NCSTN: variants seen among roughly 807,000 people sequenced by gnomAD.
NCSTN encodes nicastrin.
Under a neutral mutation model 87.0 loss-of-function variants are expected in NCSTN, and 22 were observed. That is an observed-to-expected ratio of 0.25 (90% CI 0.18 to 0.36). NCSTN has a LOEUF of 0.36. NCSTN is among the 10% of genes least tolerant of loss of function. NCSTN has a pLI of 1.00. For missense variants in NCSTN, 693 were observed against 883.3 expected (o/e 0.78, Z 2.73); for synonymous variants, 306 against 327.1 (o/e 0.94, Z 0.69).
chr1:160,349,649 C>G lies in NCSTN; in HGVS notation c.415C>G (p.Gln139Glu). ...SPASGFSPSV[Q>E]CPNDGFGVYS... ...TGCCTCAGGCTTCTCTCCTAGTGTA[C>G]AGTGCCCAAATGATGGGTTTGGTAA... The change falls in exon 4 of 17, where the codon CAG becomes GAG. Residue 139 changes from glutamine (Q) to glutamate (E), a missense_variant. Physicochemically the swap from Gln to Glu is conservative, Grantham distance 29. This residue lies in a region of NCSTN where 235 missense variants were observed against 233.9 expected (regional missense o/e 1.00). Transcript: ENST00000294785. 1 of 1,614,070 alleles carries G rather than the reference C, an allele frequency of 6.2e-7. No homozygotes were observed.
At chr1:160,353,655 C>G in intron 10 of NCSTN, 2 of 985,368 alleles carry the variant, frequency 2.0e-6, no homozygotes, top group Non-Finnish European at 2.4e-6. Flanking sequence ...CTAGGTCCAC[C>G]TTTAGGCCTG....
Position 160,358,323 on chromosome 1 carries a change from T to A in NCSTN, c.*52T>A. On this transcript the variant is annotated 3_prime_UTR_variant, in exon 17 of 17. Transcript: ENST00000294785. Reference sequence around the variant, plus strand: ...TCAGCAGTTCACTTCCTAGAGCATCTGTCCCACTGGGACACAACCACTAAT... The same window carrying A: ...TCAGCAGTTCACTTCCTAGAGCATCAGTCCCACTGGGACACAACCACTAAT... 6.2e-7 allele frequency: 1 copy of A among 1,612,358 alleles called. No individual in the cohort carries two copies. Among genetic ancestry groups the A allele is most frequent in the Non-Finnish European group, 8.5e-7 (1 of 1,179,628 alleles).
chr1:160,349,794 C>A (rs1311671903), intron 4 of NCSTN, 124 bp downstream of exon 4: 7 of 1,350,196 alleles, frequency 5.2e-6, no homozygotes, highest in Admixed American at 3.7e-5. Context: ...AACTGACTCC[C>A]AAACAGGGGG....
chr1:160,355,509 G>T, intron 11 of NCSTN, 146 bp from the exon 12 acceptor site: 1 of 701,396 alleles, frequency 1.4e-6, no homozygotes. Context: ...CACACCTTCT[G>T]CAATATGGGA....
chr1:160,357,884 G>A (rs1237742625), intron 16 of NCSTN, among the ~76,000 whole-genome samples: 1 of 152,210 alleles, frequency 6.6e-6, no homozygotes, highest in African/African-American at 2.4e-5. Flanking sequence ...TGCCGCAAGG[G>A]AACCAAAGCC....
At chr1:160,356,897 C>A in intron 15 of NCSTN, 143 bp downstream of exon 15, 1 of 1,400,046 alleles carries the variant, frequency 7.1e-7, no homozygotes, top group Non-Finnish European at 1.0e-6. Flanking sequence ...GTTGAAAAGC[C>A]TGGGTGAAAA....
At position 160,352,886 on chromosome 1, in the gene NCSTN, G is replaced by C; in HGVS notation, c.997-1G>C. 2 of 1,613,550 alleles carry C rather than the reference G, an allele frequency of 1.2e-6. No homozygotes were observed. The highest frequency in any genetic ancestry group is 1.7e-6 in the Non-Finnish European group (2 of 1,179,502). ...CCCTCCCACCTACCTCCATCTCTCA[G>C]GAAACTTTTGACTACATTGGCAGCT... On this transcript the variant is annotated splice_acceptor_variant, in intron 8 of 16. Coordinates refer to ENST00000294785, the MANE Select transcript of NCSTN (RefSeq NM_015331.3). LOFTEE classifies it high-confidence loss of function.
At chr1:160,349,788 G>A in intron 4 of NCSTN, 118 bp downstream of exon 4, 1 of 1,413,874 alleles carries the variant, frequency 7.1e-7, no homozygotes, top group Non-Finnish European at 9.9e-7. Flanking sequence ...GTCAGTAACT[G>A]ACTCCCAAAC....
intron 6 of NCSTN, 86 bp from the exon 7 acceptor site, chr1:160,351,610 G>A: frequency 1.5e-6 from 2 of 1,336,364 alleles, no homozygotes; most frequent in Non-Finnish European, 2.2e-6. Flanking sequence ...AGTCCGTGGG[G>A]CACTGGTCAG....
intron 3 of NCSTN, chr1:160,349,339 C>T: frequency 1.1e-6 from 1 of 905,058 alleles, no homozygotes; most frequent in South Asian, 1.5e-5. Flanking sequence ...CCTGGGCATC[C>T]CTCCCCTCCC....
chr1:160,353,308 T>G (rs1648968431), intron 10 of NCSTN, 71 bp downstream of exon 10: 1 of 1,609,676 alleles, frequency 6.2e-7, no homozygotes, highest in African/African-American at 1.3e-5. Flanking sequence ...CTGCCCTGTT[T>G]CCACCAACCC....
Position 160,354,111 on chromosome 1 carries a change from C to T in NCSTN, c.1180-7C>T. ...TCCCATCAGTTAATCTCCCTCGTAC[C>T]CCCCAGGTGGAGGATCTCCTGGCCA... On this transcript the variant is annotated splice_region_variant and splice_polypyrimidine_tract_variant and intron_variant, in intron 10 of 16. Transcript: ENST00000294785. 2 of 1,613,894 alleles carry T rather than the reference C, an allele frequency of 1.2e-6. No individual in the cohort carries two copies. The highest frequency in any genetic ancestry group is 1.7e-6 in the Non-Finnish European group (2 of 1,179,840).
At chr1:160,350,375 C>A in intron 5 of NCSTN, 125 bp downstream of exon 5, 1 of 1,117,432 alleles carries the variant, frequency 8.9e-7, no homozygotes, top group Non-Finnish European at 1.3e-6. Context: ...TCACTTGAGG[C>A]CGGGAGGCAG....
chr1:160,356,792 C>G, intron 15 of NCSTN, 38 bp downstream of exon 15: 1 of 1,613,012 alleles, frequency 6.2e-7, no homozygotes, highest in Non-Finnish European at 8.5e-7. Flanking sequence ...CCTGGGGCCC[C>G]TTTCCCTTGG....
intron 3 of NCSTN, 51 bp from the exon 4 acceptor site, chr1:160,349,498 G>C: frequency 6.2e-7 from 1 of 1,612,800 alleles, no homozygotes; most frequent in Non-Finnish European, 8.5e-7. Flanking sequence ...AGAATGTCAG[G>C]CTGTCTGATA....
chr1:160,356,002 A>G, intron 13 of NCSTN, 44 bp downstream of exon 13: 4 of 1,525,706 alleles, frequency 2.6e-6, no homozygotes, highest in Non-Finnish European at 3.6e-6. Flanking sequence ...TTACACAGCA[A>G]GCTGTCCCTA....
intron 6 of NCSTN, 29 bp downstream of exon 6, chr1:160,351,401 T>G (rs759283796): frequency 1.2e-6 from 2 of 1,611,214 alleles, no homozygotes; most frequent in Non-Finnish European, 1.7e-6. Context: ...ATGAGGGTAA[T>G]GGAATAAGGG....
intron 16 of NCSTN, 129 bp downstream of exon 16, chr1:160,357,382 C>G: frequency 1.0e-6 from 1 of 979,506 alleles, no homozygotes; most frequent in Non-Finnish European, 1.6e-6. Context: ...CAAATCTGTC[C>G]CTGGTCAGCC....
rs1648855858 is a variant in NCSTN at position 160,351,801 on chromosome 1, C to G, written c.839C>G (p.Thr280Ser). ...GACGACAGGGTTGTGGTTGCTGCCA[C>G]CCGGGTGAGTGTTGGCTTCTGATCA... ...KPDDRVVVAA[T>S]RLDSRSFFWN... The change falls in exon 7 of 17, where the codon ACC becomes AGC. Residue 280 changes from threonine to serine, a missense_variant. Physicochemically the swap from Thr to Ser is moderately conservative, Grantham distance 58. Transcript: ENST00000294785. The G allele has an allele frequency of 1.9e-6, 3 of 1,603,378 alleles. 1 individual carries two copies. The South Asian group carries it at 3.3e-5, about 18-fold the overall frequency.
Sources: gnomAD v4.1 joint callset for allele counts (sites outside exome capture counted in the v4.1 genomes callset) on GRCh38, gnomAD v4.1.1 for gene constraint, gnomAD v4.1.1 regional missense constraint, MANE v1.5 for transcripts, NCBI Gene and HGNC (gene_info 2026-07-23, HGNC 2026-07-21) for gene names.